CACNA2D2: variants seen among roughly 807,000 people sequenced by gnomAD.
The protein encoded by CACNA2D2 is voltage-dependent calcium channel subunit alpha-2/delta-2.
In CACNA2D2, 48 loss-of-function variants were observed where a neutral mutation model predicts 166.4. That is an observed-to-expected ratio of 0.29 (90% CI 0.23 to 0.37). The LOEUF (loss-of-function observed/expected upper bound fraction) is 0.37, where lower values mean the gene tolerates loss of function less well. Among genes scored for constraint, CACNA2D2 ranks in the 10% least tolerant of loss-of-function variants. The pLI, the probability that CACNA2D2 is intolerant of heterozygous loss-of-function variation, is 1.00. For missense variants in CACNA2D2, 1,122 were observed against 1,433.0 expected, an observed-to-expected ratio of 0.78 and a Z score of 3.50; for synonymous variants, 561 against 573.7, an observed-to-expected ratio of 0.98 and a Z score of 0.32.
In CACNA2D2 at chr3:50,365,993, G is replaced by C; in HGVS notation, c.2862+18C>G. On this transcript the variant is annotated intron_variant, in intron 32 of 37. Transcript: ENST00000424201. This position sits in a 1 kb window ranked among gnomAD's most constrained non-coding sequence, Gnocchi z 4.5. ...CCAGTCCCCCCCATCTCCAGTCCAG[G>C]CATCTCTGGGGACTCACCACAAAGA... 6.2e-7 allele frequency: 1 copy of C among 1,611,160 alleles called. No homozygotes were observed. The highest frequency in any genetic ancestry group is 8.5e-7 in the Non-Finnish European group (1 of 1,178,818).
Position 50,432,756 on chromosome 3 carries a change from T to A in CACNA2D2, c.405+1557A>T, listed in dbSNP as rs565921943. ...TGGGAGGTCCTCAGAGTCCACCTTC[T>A]CTGGGAAGCTGGCCCCAAGAAGCAG... On this transcript the variant is annotated intron_variant, in intron 3 of 37. Coordinates refer to ENST00000424201, the MANE Select transcript of CACNA2D2 (RefSeq NM_006030.4). Among the ~76,000 whole-genome samples the A allele has an allele frequency of 2.0e-5, 3 of 152,314 alleles. No individual in the cohort carries two copies. In the East Asian group the frequency reaches 5.8e-4, roughly 29 times the overall value.
chr3:50,375,556 G>A lies in CACNA2D2; in HGVS notation c.1907+88C>T, dbSNP rs1306486631. On this transcript the variant is annotated intron_variant, in intron 21 of 37. Coordinates refer to ENST00000424201, the MANE Select transcript of CACNA2D2 (RefSeq NM_006030.4). The surrounding 1 kb of genome is among the most constrained non-coding windows in gnomAD (Gnocchi z 4.0). ...GCCACTGGTGCCCCACTGGGATGGT[G>A]GTCACAGTGGGAGAGGGAGGGGACA... 23 of 1,381,092 alleles carry A rather than the reference G, an allele frequency of 1.7e-5. No homozygotes were observed. Among genetic ancestry groups the A allele is most frequent in the Non-Finnish European group, 2.1e-5 (21 of 980,596 alleles). The allele number at this position is 1,381,092 out of a possible 1,614,324, so 85.6% of individuals were successfully genotyped here. A position where few individuals can be genotyped will look rare whatever the true frequency, so the allele number is the denominator to read the frequency against.
At position 50,390,233 on chromosome 3, in the gene CACNA2D2, A is replaced by C. The variant is rs1344993548; in HGVS notation, c.466-2621T>G. ...TGAGTGAAGACTGAGGCTGAGCCAAAAAGGACCCAGCCTACTGGCTTGTCC... is the reference window on the plus strand; with the variant it reads ...TGAGTGAAGACTGAGGCTGAGCCAACAAGGACCCAGCCTACTGGCTTGTCC... On this transcript the variant is annotated intron_variant, in intron 4 of 37. Transcript: ENST00000424201. Among the ~76,000 whole-genome samples, 3 of 152,192 alleles carry C rather than the reference A, an allele frequency of 2.0e-5. No individual in the cohort carries two copies. The East Asian group carries it at 5.8e-4, about 29-fold the overall frequency.
At chr3:50,479,522 C>T (rs527793782) in intron 1 of CACNA2D2, among the ~76,000 whole-genome samples, 17 of 152,338 alleles carry the variant, frequency 1.1e-4, no homozygotes, top group African/African-American at 3.1e-4. Context: ...TCTAGGACTT[C>T]GCCAGTGTCC....
intron 2 of CACNA2D2, among the ~76,000 whole-genome samples, chr3:50,459,260 T>C (rs1709495948): frequency 6.6e-6 from 1 of 151,976 alleles, no homozygotes; most frequent in Non-Finnish European, 1.5e-5. Flanking sequence ...CCTGAGGAGA[T>C]TGTGGGGCCT....
intron 1 of CACNA2D2, among the ~76,000 whole-genome samples, chr3:50,478,781 G>C (rs1225112452): frequency 6.6e-6 from 1 of 152,166 alleles, no homozygotes; most frequent in African/African-American, 2.4e-5. Context: ...TTCCAACTCT[G>C]CATTTGGTAC....
chr3:50,452,375 A>G (rs1053012138), intron 2 of CACNA2D2, among the ~76,000 whole-genome samples: 4 of 152,208 alleles, frequency 2.6e-5, no homozygotes, highest in African/African-American at 9.6e-5. Context: ...AATGGACCCT[A>G]TCGGAGCTGG....
Position 50,366,738 on chromosome 3 carries a change from G to T in CACNA2D2, c.2589+93C>A. 6.5e-7 allele frequency: 1 copy of T among 1,544,354 alleles called. No individual in the cohort carries two copies. The highest frequency in any genetic ancestry group is 1.1e-5 in the South Asian group (1 of 88,588). ...TGCAGCTGGCCCTGCCTCCATGTAG[G>T]TGTTGGAGCCACTGAGTGGAGGGTT... On this transcript the variant is annotated intron_variant, in intron 29 of 37. Transcript: ENST00000424201. This position sits in a 1 kb window ranked among gnomAD's most constrained non-coding sequence, Gnocchi z 5.9.
intron 3 of CACNA2D2, among the ~76,000 whole-genome samples, chr3:50,429,100 C>A (rs970267478): frequency 5.9e-5 from 9 of 152,132 alleles, no homozygotes; most frequent in Non-Finnish European, 1.3e-4. Context: ...CATGGTGACA[C>A]ACACCTGTAA....
intron 4 of CACNA2D2, among the ~76,000 whole-genome samples, chr3:50,389,285 T>C (rs1381452631): frequency 6.6e-6 from 1 of 152,198 alleles, no homozygotes; most frequent in Non-Finnish European, 1.5e-5. Flanking sequence ...TTGACGAAGA[T>C]CATTCCTGAA....
chr3:50,383,053 GATTTA>G (rs1705410545), intron 6 of CACNA2D2, among the ~76,000 whole-genome samples: 1 of 152,270 alleles, frequency 6.6e-6, no homozygotes, highest in South Asian at 2.1e-4. Context: ...GGTGATTACA[GATTTA>G]ATTAAAAGTG....
At position 50,379,205 on chromosome 3, in the gene CACNA2D2, G is replaced by A. The variant is rs375528993; in HGVS notation, c.1153-6C>T. The stretch of plus-strand genomic sequence containing the variant: ...TTGGCCCGAGTGATGTTGGACTGAG[G>A]GGAGTGAGGCGGAGGCAGGCAGCTC... On this transcript the variant is annotated splice_region_variant and splice_polypyrimidine_tract_variant and intron_variant, in intron 11 of 37. Transcript: ENST00000424201. The surrounding 1 kb of genome is among the most constrained non-coding windows in gnomAD (Gnocchi z 6.5). 1 of 1,610,236 alleles carries A rather than the reference G, an allele frequency of 6.2e-7. No individual in the cohort carries two copies. Among genetic ancestry groups the A allele is most frequent in the Non-Finnish European group, 8.5e-7 (1 of 1,176,718 alleles).
At chr3:50,377,696 G>A in intron 16 of CACNA2D2, 36 bp downstream of exon 16, 1 of 1,598,830 alleles carries the variant, frequency 6.3e-7, no homozygotes, top group East Asian at 2.2e-5. Flanking sequence ...TTCCTCCCCA[G>A]GCACACCCAT....
chr3:50,465,799 T>C (rs1201264404), intron 2 of CACNA2D2, among the ~76,000 whole-genome samples: 1 of 152,116 alleles, frequency 6.6e-6, no homozygotes, highest in Non-Finnish European at 1.5e-5. Context: ...GGGAGTGGTT[T>C]GTCTTGTACT....
At chr3:50,429,258 G>A (rs1050328138) in intron 3 of CACNA2D2, among the ~76,000 whole-genome samples, 5 of 152,000 alleles carry the variant, frequency 3.3e-5, no homozygotes, top group African/African-American at 1.2e-4. Context: ...GTTTTGCTGT[G>A]AGACCTGGAG....
chr3:50,447,897 C>T (rs570660109), intron 2 of CACNA2D2, among the ~76,000 whole-genome samples: 3 of 152,272 alleles, frequency 2.0e-5, no homozygotes, highest in African/African-American at 7.2e-5. Flanking sequence ...CTCAGGTACG[C>T]TCTTCTAAGT....
intron 1 of CACNA2D2, among the ~76,000 whole-genome samples, chr3:50,490,661 G>C (rs763030): frequency 0.25 from 37,595 of 152,132 alleles, 6,100 homozygotes; most frequent in East Asian, 0.61. Context: ...CAGTCATGAC[G>C]AGCTTGGCTC....
chr3:50,394,622 TG>T (rs1410126805), intron 3 of CACNA2D2, among the ~76,000 whole-genome samples: 1 of 152,178 alleles, frequency 6.6e-6, no homozygotes, highest in Non-Finnish European at 1.5e-5. Flanking sequence ...TCCAGGCCCA[TG>T]GGCCCTCTCC....
At chr3:50,471,166 G>A (rs1210763400) in intron 2 of CACNA2D2, among the ~76,000 whole-genome samples, 1 of 152,094 alleles carries the variant, frequency 6.6e-6, no homozygotes, top group African/African-American at 2.4e-5. Flanking sequence ...GAGGGGTGGA[G>A]GCTGCGTGAT....
Sources: allele counts gnomAD v4.1 joint callset (sites outside exome capture counted in the v4.1 genomes callset), GRCh38; gene constraint gnomAD v4.1.1; non-coding constraint Gnocchi (gnomAD v3.1); transcripts MANE v1.5; gene names NCBI Gene and HGNC (gene_info 2026-07-23, HGNC 2026-07-21).